The following SREK1IP1 variants were observed in gnomAD, a reference collection of about 807,000 sequenced individuals.
The protein encoded by SREK1IP1 is SREK1 interacting protein 1.
Under a neutral mutation model 22.8 loss-of-function variants are expected in SREK1IP1, and 12 were observed. The ratio of observed to expected loss-of-function variants is 0.53; its 90% confidence interval spans 0.34 to 0.85. The LOEUF (loss-of-function observed/expected upper bound fraction) is 0.85. Ranked by LOEUF, SREK1IP1 falls within the 40% of genes least tolerant of loss-of-function variation. SREK1IP1 has a pLI of 0.02. For synonymous variants in SREK1IP1, 53 were observed against 52.7 expected (o/e 1.01, Z -0.02); for missense variants, 147 against 171.8 (o/e 0.86, Z 0.81).
At chr5:64,732,495 T>A (rs1333465043) in intron 3 of SREK1IP1, among the ~76,000 whole-genome samples, 1 of 152,100 alleles carries the variant, frequency 6.6e-6, no homozygotes, top group African/African-American at 2.4e-5. Context: ...AAAAAGTATA[T>A]AAAAGATGTA....
At chr5:64,752,746 T>A (rs1191506108) in intron 2 of SREK1IP1, among the ~76,000 whole-genome samples, 1 of 152,196 alleles carries the variant, frequency 6.6e-6, no homozygotes, top group Non-Finnish European at 1.5e-5. Flanking sequence ...GACCTTTCTC[T>A]TACCTTTATA....
chr5:64,748,284 C>A (rs529325231), intron 2 of SREK1IP1, among the ~76,000 whole-genome samples: 36 of 152,130 alleles, frequency 2.4e-4, no homozygotes, highest in Non-Finnish European at 4.3e-4. Context: ...TATGAAATAT[C>A]TAGAATAGGC....
At chr5:64,755,313 G>A (rs1351544651) in intron 1 of SREK1IP1, among the ~76,000 whole-genome samples, 1 of 151,826 alleles carries the variant, frequency 6.6e-6, no homozygotes, top group Non-Finnish European at 1.5e-5. Context: ...AATCAACTGA[G>A]GTGCCCATCA....
At chr5:64,729,717 T>C (rs1007325021) in intron 3 of SREK1IP1, among the ~76,000 whole-genome samples, 2 of 152,068 alleles carry the variant, frequency 1.3e-5, no homozygotes, top group Non-Finnish European at 2.9e-5. Context: ...GTGATATGTG[T>C]GTGCGAAGGA....
At chr5:64,729,504 C>A (rs1192340505) in intron 3 of SREK1IP1, among the ~76,000 whole-genome samples, 2 of 152,066 alleles carry the variant, frequency 1.3e-5, no homozygotes, top group African/African-American at 4.8e-5. Context: ...ATGTAGAATA[C>A]CATGAAATGA....
intron 4 of SREK1IP1, chr5:64,727,809 A>C (rs1456441042): frequency 5.7e-6 from 1 of 175,598 alleles, no homozygotes; most frequent in East Asian, 1.8e-4. Context: ...TGACCTCTCA[A>C]AGTGCTGGGA....
chr5:64,734,954 A>T (rs1742434774), intron 3 of SREK1IP1, among the ~76,000 whole-genome samples: 1 of 152,092 alleles, frequency 6.6e-6, no homozygotes, highest in Non-Finnish European at 1.5e-5. Context: ...GTTGAGTAGA[A>T]GTGGTATGAG....
At chr5:64,760,569 G>A (rs1026206301) in intron 1 of SREK1IP1, among the ~76,000 whole-genome samples, 10 of 152,120 alleles carry the variant, frequency 6.6e-5, no homozygotes, top group Non-Finnish European at 1.0e-4. Flanking sequence ...AGATGTATGG[G>A]AACAGACACA....
chr5:64,761,917 CAG>C (rs1439371854), intron 1 of SREK1IP1, among the ~76,000 whole-genome samples: 1 of 151,908 alleles, frequency 6.6e-6, no homozygotes, highest in Non-Finnish European at 1.5e-5. Flanking sequence ...AACGAAGAAA[CAG>C]AAAATATTGA....
At chr5:64,767,746 A>AGGTG (rs1258911164) in intron 1 of SREK1IP1, among the ~76,000 whole-genome samples, 2 of 152,212 alleles carry the variant, frequency 1.3e-5, no homozygotes, top group South Asian at 2.1e-4. Context: ...CCAAGTTGGG[A>AGGTG]GGTGGGGTGG....
At chr5:64,765,592 C>T (rs1743020159) in intron 1 of SREK1IP1, among the ~76,000 whole-genome samples, 1 of 152,152 alleles carries the variant, frequency 6.6e-6, no homozygotes, top group Admixed American at 6.5e-5. Context: ...TTGCATTGTA[C>T]TTTTACAGCA....
chr5:64,733,130 A>G (rs1742405693), intron 3 of SREK1IP1, among the ~76,000 whole-genome samples: 1 of 152,156 alleles, frequency 6.6e-6, no homozygotes, highest in Admixed American at 6.5e-5. Context: ...TGCATAGGCA[A>G]AGGTTCTTAT....
chr5:64,750,546 C>A (rs1173726006), intron 2 of SREK1IP1, among the ~76,000 whole-genome samples: 2 of 152,170 alleles, frequency 1.3e-5, no homozygotes, highest in East Asian at 3.9e-4. Flanking sequence ...TGCATATTAG[C>A]ATTTTTTATT....
intron 2 of SREK1IP1, among the ~76,000 whole-genome samples, chr5:64,743,166 A>G (rs2112098616): frequency 6.6e-6 from 1 of 152,346 alleles, no homozygotes; most frequent in South Asian, 2.1e-4. Flanking sequence ...GTTTAGGTCA[A>G]TGATGGACCA....
chr5:64,767,454 G>A (rs1380352122), intron 1 of SREK1IP1, among the ~76,000 whole-genome samples: 4 of 152,158 alleles, frequency 2.6e-5, no homozygotes, highest in Non-Finnish European at 5.9e-5. Context: ...GCTTAATAAA[G>A]AGTGTACATT....
At position 64,733,585 on chromosome 5, in the gene SREK1IP1, T is replaced by C. The variant is rs1309550778; in HGVS notation, c.206-5406A>G. 2.0e-5 allele frequency among the ~76,000 whole-genome samples: 3 copies of C among 152,258 alleles called. No individual in the cohort carries two copies. The East Asian group carries it at 5.8e-4, about 29-fold the overall frequency. On this transcript the variant is annotated intron_variant, in intron 3 of 4. Transcript: ENST00000513458. ...GGGACGTAAAATGGTATAGCCACTG[T>C]AGAGTTTGACAGTTTATTAGGAAAC...
At chr5:64,762,987 G>T (rs1042994716) in intron 1 of SREK1IP1, among the ~76,000 whole-genome samples, 2 of 152,078 alleles carry the variant, frequency 1.3e-5, no homozygotes. Context: ...AGGAGGCGGA[G>T]GTTGCAGTGA....
At chr5:64,725,982 C>T (rs1403801843) in intron 4 of SREK1IP1, among the ~76,000 whole-genome samples, 2 of 151,242 alleles carry the variant, frequency 1.3e-5, no homozygotes, top group Non-Finnish European at 1.5e-5. Context: ...TCTCCTGCCT[C>T]AGCCTCCCAA....
intron 3 of SREK1IP1, among the ~76,000 whole-genome samples, chr5:64,736,554 C>G (rs527499920): frequency 2.0e-5 from 3 of 151,930 alleles, no homozygotes; most frequent in South Asian, 2.1e-4. Context: ...CTCTGCCTCC[C>G]GGGTTCAAGT....
Sources: allele counts gnomAD v4.1 joint callset (sites outside exome capture counted in the v4.1 genomes callset), GRCh38; gene constraint gnomAD v4.1.1; transcripts MANE v1.5; gene names NCBI Gene and HGNC (gene_info 2026-07-23, HGNC 2026-07-21).